The following PCDHA12 variants were observed in gnomAD, a reference collection of about 807,000 sequenced individuals.
PCDHA12 encodes the protein protocadherin alpha 12, also known as protocadherin alpha-12.
PCDHA12 carries 44 observed loss-of-function variants against 60.0 expected under a neutral mutation model. The ratio of observed to expected loss-of-function variants is 0.73; its 90% CI spans 0.58 to 0.94. The LOEUF (loss-of-function observed/expected upper bound fraction) is 0.94, where lower values mean the gene tolerates loss of function less well. Among genes scored for constraint, PCDHA12 ranks in the 40% least tolerant of loss-of-function variants. The pLI is 0.00. For missense variants in PCDHA12, 1,276 were observed against 1,239.7 expected (o/e 1.03, Z -0.44); for synonymous variants, 569 against 553.0 (o/e 1.03, Z -0.40).
At chr5:141,003,680 T>C (rs1167133667) in intron 3 of PCDHA12, among the ~76,000 whole-genome samples, 1 of 152,198 alleles carries the variant, frequency 6.6e-6, no homozygotes, top group African/African-American at 2.4e-5. Flanking sequence ...GTTGTTCTGA[T>C]TTTAAAATAT....
chr5:140,974,884 T>A (rs1485443373), intron 1 of PCDHA12, among the ~76,000 whole-genome samples: 1 of 152,240 alleles, frequency 6.6e-6, no homozygotes, highest in Non-Finnish European at 1.5e-5. Context: ...TATGTATCCC[T>A]TTTCTGATGA....
chr5:140,957,948 G>C (rs2153715688), intron 1 of PCDHA12, among the ~76,000 whole-genome samples: 1 of 152,152 alleles, frequency 6.6e-6, no homozygotes, highest in Non-Finnish European at 1.5e-5. Flanking sequence ...AGATCTTTAA[G>C]ACTATTAATT....
At chr5:140,910,357 T>C (rs1394310433) in intron 1 of PCDHA12, among the ~76,000 whole-genome samples, 3 of 152,226 alleles carry the variant, frequency 2.0e-5, no homozygotes, top group African/African-American at 7.2e-5. Flanking sequence ...CTGTCCATTA[T>C]GGTAGCTATG....
At chr5:140,936,552 T>C (rs1408956922) in intron 1 of PCDHA12, among the ~76,000 whole-genome samples, 5 of 152,234 alleles carry the variant, frequency 3.3e-5, no homozygotes, top group Admixed American at 3.3e-4. Flanking sequence ...AATGTAGAAG[T>C]CAAGATTTAT....
At chr5:141,008,428 T>C (rs2098376052) in intron 3 of PCDHA12, among the ~76,000 whole-genome samples, 1 of 152,182 alleles carries the variant, frequency 6.6e-6, no homozygotes, top group Admixed American at 6.5e-5. Flanking sequence ...TGGGATCACT[T>C]TGCCCAGACA....
intron 3 of PCDHA12, among the ~76,000 whole-genome samples, chr5:141,003,433 T>G (rs1479468480): frequency 2.0e-5 from 3 of 152,112 alleles, no homozygotes; most frequent in African/African-American, 7.2e-5. Flanking sequence ...TGCCTCAGCC[T>G]CCCAAGTAGA....
At chr5:140,916,821 CT>C (rs1452400361) in intron 1 of PCDHA12, among the ~76,000 whole-genome samples, 3 of 152,170 alleles carry the variant, frequency 2.0e-5, no homozygotes, top group Non-Finnish European at 2.9e-5. Flanking sequence ...TGTGCCACCC[CT>C]ATCCCTCTGG....
intron 3 of PCDHA12, among the ~76,000 whole-genome samples, chr5:140,987,154 C>T (rs1404083891): frequency 6.6e-6 from 1 of 150,704 alleles, no homozygotes; most frequent in Non-Finnish European, 1.5e-5. Flanking sequence ...GTGGAGGTTG[C>T]AGTGAGCTGA....
chr5:140,953,553 C>T (rs1364050066), intron 1 of PCDHA12, among the ~76,000 whole-genome samples: 1 of 152,060 alleles, frequency 6.6e-6, no homozygotes, highest in East Asian at 1.9e-4. Flanking sequence ...TTCTTTTCTC[C>T]AAGTTTTAGT....
chr5:140,991,374 G>A (rs537981449), intron 3 of PCDHA12, among the ~76,000 whole-genome samples: 2 of 152,286 alleles, frequency 1.3e-5, no homozygotes, highest in South Asian at 4.1e-4. Context: ...TGAGTTCTAG[G>A]CCAACTGTAG....
intron 3 of PCDHA12, among the ~76,000 whole-genome samples, chr5:141,008,842 T>C (rs1554261951): frequency 6.6e-6 from 1 of 152,214 alleles, no homozygotes; most frequent in East Asian, 1.9e-4. Context: ...TCTTACGCTG[T>C]GTATTCCCAT....
At chr5:141,008,159 G>A (rs1352277469) in intron 3 of PCDHA12, among the ~76,000 whole-genome samples, 1 of 152,138 alleles carries the variant, frequency 6.6e-6, no homozygotes, top group East Asian at 1.9e-4. Flanking sequence ...TTGATAAGAT[G>A]AGGACTAAAA....
chr5:140,946,377 T>C (rs1554217528), intron 1 of PCDHA12, among the ~76,000 whole-genome samples: 1 of 151,764 alleles, frequency 6.6e-6, no homozygotes, highest in African/African-American at 2.4e-5. Flanking sequence ...TTGCACACGG[T>C]TGGTAGGAAT....
At chr5:140,925,505 C>T (rs528944783) in intron 1 of PCDHA12, among the ~76,000 whole-genome samples, 5 of 151,936 alleles carry the variant, frequency 3.3e-5, no homozygotes, top group African/African-American at 4.8e-5. Context: ...CCAATATCCA[C>T]GCAAAAGACC....
rs2098423512 is a variant in PCDHA12 at position 141,012,298 on chromosome 5, T to A, written c.*2361T>A. On this transcript the variant is annotated 3_prime_UTR_variant, in exon 4 of 4. Transcript: ENST00000398631. ...ATGTGGATTCATTTTGAATTGGTGC[T>A]ATTGGTATTTCCTCTGTTATTGCTA... is the stretch of plus-strand genomic sequence containing the variant. The A allele has an allele frequency of 6.5e-6, 1 of 153,804 alleles. No individual in the cohort carries two copies. Among genetic ancestry groups the A allele is most frequent in the Non-Finnish European group, 1.5e-5 (1 of 68,048 alleles). 9.5% of individuals were successfully genotyped at this position (153,804 alleles called of 1,614,324 possible). A position where few individuals can be genotyped will look rare whatever the true frequency, so the allele number is the denominator to read the frequency against.
intron 1 of PCDHA12, chr5:140,966,860 T>C (rs1586162562): frequency 3.2e-6 from 5 of 1,577,484 alleles, no homozygotes; most frequent in East Asian, 2.3e-5. Context: ...CCTGCTGCTG[T>C]TGCTGCTGCT....
chr5:140,890,995 A>C (rs1554184607), intron 1 of PCDHA12, among the ~76,000 whole-genome samples: 2 of 152,138 alleles, frequency 1.3e-5, no homozygotes, highest in Non-Finnish European at 1.5e-5. Context: ...ATTTCATCAT[A>C]ATTATTGAAA....
chr5:140,986,218 T>A (rs2153838096), intron 3 of PCDHA12, among the ~76,000 whole-genome samples: 1 of 152,304 alleles, frequency 6.6e-6, no homozygotes, highest in Non-Finnish European at 1.5e-5. Flanking sequence ...GGCCCCTTTC[T>A]CTAGCCTCCC....
intron 1 of PCDHA12, chr5:140,883,444 T>C: frequency 3.1e-6 from 5 of 1,614,170 alleles, no homozygotes; most frequent in Non-Finnish European, 4.2e-6. Context: ...TGACGCCGCA[T>C]GTCCCCTTCA....
Sources: allele counts gnomAD v4.1 joint callset (sites outside exome capture counted in the v4.1 genomes callset), GRCh38; gene constraint gnomAD v4.1.1; transcripts MANE v1.5; gene names NCBI Gene and HGNC (gene_info 2026-07-23, HGNC 2026-07-21).